ENTREP2: variants seen among roughly 807,000 people sequenced by gnomAD.
ENTREP2 encodes the protein protein ENTREP2.
chr15:29,453,320 G>A, the ENTREP2 span, among the ~76,000 whole-genome samples: 12 of 152,366 alleles, frequency 7.9e-5, no homozygotes, highest in East Asian at 7.7e-4. Context: ...TGGAAGTGGC[G>A]GAGGGGAGGA....
the ENTREP2 span, among the ~76,000 whole-genome samples, chr15:29,489,571 A>T: frequency 5.9e-5 from 9 of 152,260 alleles, no homozygotes; most frequent in Non-Finnish European, 8.8e-5. Context: ...TTCTATACAT[A>T]GGTGCATCCC....
the ENTREP2 span, among the ~76,000 whole-genome samples, chr15:29,482,230 G>A: frequency 1.4e-5 from 2 of 146,870 alleles, no homozygotes; most frequent in South Asian, 2.1e-4. Flanking sequence ...GGCTGGTCTC[G>A]AACTCCTGAC....
the ENTREP2 span, among the ~76,000 whole-genome samples, chr15:29,124,093 C>T: frequency 3.9e-5 from 6 of 152,260 alleles, no homozygotes; most frequent in Middle Eastern, 3.4e-3. Context: ...ACCGCCCCCC[C>T]CATCATGCCA....
chr15:29,616,631 G>A, the ENTREP2 span, among the ~76,000 whole-genome samples: 32 of 152,092 alleles, frequency 2.1e-4, no homozygotes, highest in South Asian at 1.7e-3. Flanking sequence ...ACTGCTTTAA[G>A]TATAACAAAA....
At chr15:29,238,268 A>C in the ENTREP2 span, among the ~76,000 whole-genome samples, 1 of 152,228 alleles carries the variant, frequency 6.6e-6, no homozygotes, top group Non-Finnish European at 1.5e-5. Flanking sequence ...TGATGTTTAC[A>C]TACATCTGTG....
the ENTREP2 span, among the ~76,000 whole-genome samples, chr15:29,215,174 C>T: frequency 6.6e-6 from 1 of 152,126 alleles, no homozygotes; most frequent in African/African-American, 2.4e-5. Context: ...TGGACAAGGC[C>T]TTTTATCATT....
the ENTREP2 span, among the ~76,000 whole-genome samples, chr15:29,668,363 C>CA: frequency 6.6e-6 from 1 of 152,210 alleles, no homozygotes; most frequent in South Asian, 2.1e-4. Flanking sequence ...GGTGCGTCCT[C>CA]AAAAAATTAA....
chr15:29,413,115 G>A, the ENTREP2 span, among the ~76,000 whole-genome samples: 1 of 151,892 alleles, frequency 6.6e-6, no homozygotes, highest in East Asian at 1.9e-4. Flanking sequence ...ATTAAATTGT[G>A]GTCAGAGAAT....
chr15:29,380,904 T>C, the ENTREP2 span, among the ~76,000 whole-genome samples: 20 of 148,022 alleles, frequency 1.4e-4, no homozygotes, highest in South Asian at 4.1e-3. Context: ...TGGAGTGCAG[T>C]GGTGTGGCGC....
chr15:29,583,483 G>A, the ENTREP2 span, among the ~76,000 whole-genome samples: 1 of 152,126 alleles, frequency 6.6e-6, no homozygotes, highest in Non-Finnish European at 1.5e-5. Flanking sequence ...ACTGGGGCAT[G>A]TCAGGGGAGA....
At chr15:29,252,600 C>A in the ENTREP2 span, 2 of 543,266 alleles carry the variant, frequency 3.7e-6, no homozygotes, top group South Asian at 6.8e-5. Context: ...ACATGAATAA[C>A]ATGTATGTGT....
chr15:29,590,683 C>CAAAAAAAAAAAAAAAAAA, the ENTREP2 span, among the ~76,000 whole-genome samples: 1 of 75,334 alleles, frequency 1.3e-5, no homozygotes, highest in Non-Finnish European at 2.4e-5. Context: ...GACTCCGTCT[C>CAAAAAAAAAAAAAAAAAA]AAAAAAAAAA....
chr15:29,439,084 C>A, the ENTREP2 span, among the ~76,000 whole-genome samples: 1 of 152,096 alleles, frequency 6.6e-6, no homozygotes, highest in African/African-American at 2.4e-5. Context: ...AGCATAGAAG[C>A]AATGATACCC....
the ENTREP2 span, among the ~76,000 whole-genome samples, chr15:29,577,044 T>A: frequency 6.6e-6 from 1 of 151,884 alleles, no homozygotes; most frequent in East Asian, 1.9e-4. Flanking sequence ...CCTGACCTCA[T>A]GATCTGCCCA....
the ENTREP2 span, among the ~76,000 whole-genome samples, chr15:29,281,160 A>G: frequency 1.3e-5 from 2 of 152,228 alleles, no homozygotes; most frequent in Non-Finnish European, 2.9e-5. Flanking sequence ...AGTAATATGA[A>G]TACACCTGTT....
the ENTREP2 span, among the ~76,000 whole-genome samples, chr15:29,218,670 C>T: frequency 0.33 from 50,351 of 151,934 alleles, 9,882 homozygotes; most frequent in East Asian, 0.6. Context: ...CAAATATTTA[C>T]AGCCAACTGA....
At chr15:29,357,817 C>T in the ENTREP2 span, among the ~76,000 whole-genome samples, 1 of 148,076 alleles carries the variant, frequency 6.8e-6, no homozygotes, top group Admixed American at 6.8e-5. Flanking sequence ...CCAGCCTGGG[C>T]GACAGAGCAA....
chr15:29,414,436 G>T, the ENTREP2 span, among the ~76,000 whole-genome samples: 3 of 152,114 alleles, frequency 2.0e-5, no homozygotes, highest in Admixed American at 6.5e-5. Context: ...AAATAAAGAT[G>T]TTCTTTGAAA....
chr15:29,563,859 A>ATAAATAAATAAG, the ENTREP2 span, among the ~76,000 whole-genome samples: 7 of 151,698 alleles, frequency 4.6e-5, no homozygotes, highest in African/African-American at 1.7e-4. Flanking sequence ...AAATAAATAA[A>ATAAATAAATAAG]TAAATAAGTA....
Sources: gnomAD v4.1 joint callset for allele counts (sites outside exome capture counted in the v4.1 genomes callset) on GRCh38, gnomAD v4.1.1 for gene constraint, MANE v1.5 for transcripts, NCBI Gene and HGNC (gene_info 2026-07-23, HGNC 2026-07-21) for gene names.